The following PIK3C2G variants were observed in gnomAD, a reference collection of about 807,000 sequenced individuals.
PIK3C2G encodes the protein phosphatidylinositol-4-phosphate 3-kinase catalytic subunit type 2 gamma, also known as phosphatidylinositol 3-kinase C2 domain-containing subunit gamma.
Under a neutral mutation model 181.1 loss-of-function variants are expected in PIK3C2G, and 168 were observed. That is an observed-to-expected ratio of 0.93 (90% CI 0.82 to 1.05). The LOEUF is 1.05. Ranked by LOEUF, PIK3C2G falls within the 50% of genes least tolerant of loss-of-function variation. The pLI, the probability that PIK3C2G is intolerant of heterozygous loss-of-function variation, is 0.00. For missense variants in PIK3C2G, 1,869 were observed against 1,732.8 expected, an observed-to-expected ratio of 1.08 and a Z score of -1.40; for synonymous variants, 573 against 592.2, an observed-to-expected ratio of 0.97 and a Z score of 0.47.
intron 16 of PIK3C2G, among the ~76,000 whole-genome samples, chr12:18,402,156 A>C (rs1338139271): frequency 1.3e-5 from 2 of 152,174 alleles, no homozygotes; most frequent in African/African-American, 2.4e-5. Context: ...GATATGTAAA[A>C]TGTGATCTAT....
chr12:18,690,493 G>A, the PIK3C2G span, among the ~76,000 whole-genome samples: 1 of 152,046 alleles, frequency 6.6e-6, no homozygotes, highest in Non-Finnish European at 1.5e-5. Context: ...CCAAAGTGAT[G>A]GGATTACAGA....
chr12:18,487,342 G>C (rs1268636941), intron 18 of PIK3C2G, among the ~76,000 whole-genome samples: 1 of 151,992 alleles, frequency 6.6e-6, no homozygotes, highest in Non-Finnish European at 1.5e-5. Context: ...TAATTTGTTT[G>C]TTAGAGTATC....
At chr12:18,610,168 G>A (rs531700593) in intron 31 of PIK3C2G, among the ~76,000 whole-genome samples, 27 of 152,178 alleles carry the variant, frequency 1.8e-4, no homozygotes, top group African/African-American at 6.3e-4. Flanking sequence ...AGCATTCTGT[G>A]TCACAGGATA....
At chr12:18,477,890 T>C (rs917232453) in intron 18 of PIK3C2G, among the ~76,000 whole-genome samples, 1 of 152,166 alleles carries the variant, frequency 6.6e-6, no homozygotes, top group African/African-American at 2.4e-5. Flanking sequence ...TTCAAACACA[T>C]GAATTGTTCA....
the PIK3C2G span, among the ~76,000 whole-genome samples, chr12:18,718,270 T>A: frequency 6.6e-6 from 1 of 152,126 alleles, no homozygotes; most frequent in Non-Finnish European, 1.5e-5. Context: ...GCCTCATGAG[T>A]TCACCACCAG....
chr12:18,564,122 G>A (rs1945492264), intron 28 of PIK3C2G, among the ~76,000 whole-genome samples: 1 of 151,644 alleles, frequency 6.6e-6, no homozygotes, highest in South Asian at 2.1e-4. Context: ...AAGCCATCTT[G>A]AAAATCATTA....
chr12:18,688,572 G>T, the PIK3C2G span, among the ~76,000 whole-genome samples: 1 of 149,770 alleles, frequency 6.7e-6, no homozygotes, highest in Non-Finnish European at 1.5e-5. Context: ...ATATATATAT[G>T]CTGGAAAAAA....
At chr12:18,529,192 A>G (rs2136209712) in intron 24 of PIK3C2G, among the ~76,000 whole-genome samples, 1 of 151,524 alleles carries the variant, frequency 6.6e-6, no homozygotes, top group East Asian at 1.9e-4. Context: ...TACCTTTAAA[A>G]ACTACAATTA....
At chr12:18,261,078 C>T (rs570238445), upstream of PIK3C2G, among the ~76,000 whole-genome samples, 11 of 151,962 alleles carry the variant, frequency 7.2e-5, no homozygotes, top group Non-Finnish European at 1.5e-4. Context: ...AAAGAAAATA[C>T]CTCGATAGGT....
chr12:18,529,838 G>A (rs1219109651), intron 24 of PIK3C2G, among the ~76,000 whole-genome samples: 1 of 152,080 alleles, frequency 6.6e-6, no homozygotes. Flanking sequence ...AGAAAGGATT[G>A]GACTTGAATT....
At chr12:18,464,872 A>C (rs1937685105) in intron 18 of PIK3C2G, among the ~76,000 whole-genome samples, 1 of 152,004 alleles carries the variant, frequency 6.6e-6, no homozygotes, top group South Asian at 2.1e-4. Flanking sequence ...TATTGTGAGT[A>C]CTGATATTTT....
Position 18,391,111 on chromosome 12 carries a change from T to C in PIK3C2G, c.1996-11T>C, listed in dbSNP as rs1174433743. 1.9e-6 allele frequency: 3 copies of C among 1,591,118 alleles called. No individual in the cohort carries two copies. The highest frequency in any genetic ancestry group is 2.7e-5 in the African/African-American group (2 of 74,108). Reference sequence around the variant, plus strand: ...CCTTCAACACATGGCAAATCATTTTTTTTCTTTCAGATTGATTTTCCAGCT... The same window carrying C: ...CCTTCAACACATGGCAAATCATTTTCTTTCTTTCAGATTGATTTTCCAGCT... On this transcript the variant is annotated splice_polypyrimidine_tract_variant and intron_variant, in intron 14 of 32. Transcript: ENST00000538779.
chr12:18,302,965 T>C (rs180818552), intron 5 of PIK3C2G, among the ~76,000 whole-genome samples: 5 of 152,054 alleles, frequency 3.3e-5, no homozygotes, highest in Admixed American at 3.3e-4. Context: ...ACGTTAGGCT[T>C]GAGCACGGGG....
At chr12:18,418,824 G>C (rs1197374544) in intron 16 of PIK3C2G, among the ~76,000 whole-genome samples, 1 of 152,130 alleles carries the variant, frequency 6.6e-6, no homozygotes, top group African/African-American at 2.4e-5. Context: ...ATTTTATAGA[G>C]AAGGGAGTTA....
At chr12:18,283,103 TACACAAAC>T (rs1327630325) in intron 2 of PIK3C2G, among the ~76,000 whole-genome samples, 1 of 152,174 alleles carries the variant, frequency 6.6e-6, no homozygotes, top group Non-Finnish European at 1.5e-5. Context: ...TTAATGCACA[TACACAAAC>T]ACAAATACGT....
the PIK3C2G span, chr12:18,723,203 T>C: frequency 2.0e-6 from 2 of 998,092 alleles, no homozygotes; most frequent in Admixed American, 4.9e-5. Flanking sequence ...AAAACGGTAA[T>C]TTGATAACCA....
At chr12:18,444,249 T>C (rs990295393) in intron 18 of PIK3C2G, among the ~76,000 whole-genome samples, 1 of 152,172 alleles carries the variant, frequency 6.6e-6, no homozygotes, top group African/African-American at 2.4e-5. Context: ...CCTGGGCCTT[T>C]AGTAGTCTTA....
At chr12:18,394,294 C>T (rs1017788986) in intron 15 of PIK3C2G, among the ~76,000 whole-genome samples, 3 of 152,010 alleles carry the variant, frequency 2.0e-5, no homozygotes, top group Admixed American at 6.6e-5. Flanking sequence ...ATTGAACTGT[C>T]TACTAAAAAA....
chr12:18,619,703 T>C (rs1036696813), intron 31 of PIK3C2G, among the ~76,000 whole-genome samples: 3 of 151,880 alleles, frequency 2.0e-5, no homozygotes, highest in African/African-American at 7.3e-5. Context: ...TATCTAATAA[T>C]TACATTATGG....
Sources: allele counts gnomAD v4.1 joint callset (sites outside exome capture counted in the v4.1 genomes callset), GRCh38; gene constraint gnomAD v4.1.1; transcripts MANE v1.5; gene names NCBI Gene and HGNC (gene_info 2026-07-23, HGNC 2026-07-21).